Variants in SLAIN2 observed in about 807,000 individuals in gnomAD.
The protein encoded by SLAIN2 is SLAIN motif-containing protein 2.
In SLAIN2, 31 loss-of-function variants were observed where a neutral mutation model predicts 56.6. The ratio of observed to expected loss-of-function variants is 0.55; its 90% CI spans 0.41 to 0.74. The LOEUF (loss-of-function observed/expected upper bound fraction) is 0.74, where lower values mean the gene tolerates loss of function less well. Ranked by LOEUF, SLAIN2 falls within the 30% of genes least tolerant of loss-of-function variation. The pLI, the probability that SLAIN2 is intolerant of heterozygous loss-of-function variation, is 0.00. For missense variants in SLAIN2, 777 were observed against 754.2 expected (o/e 1.03, Z -0.35); for synonymous variants, 317 against 284.9 (o/e 1.11, Z -1.13).
chr4:48,404,812 G>C (rs932559611), intron 6 of SLAIN2, among the ~76,000 whole-genome samples: 2 of 152,132 alleles, frequency 1.3e-5, no homozygotes, highest in African/African-American at 4.8e-5. Context: ...AAGGTCACCT[G>C]TATCCAATCA....
intron 1 of SLAIN2, among the ~76,000 whole-genome samples, chr4:48,357,987 C>T (rs752580562): frequency 8.5e-5 from 13 of 152,228 alleles, no homozygotes; most frequent in Admixed American, 2.6e-4. Flanking sequence ...GTGTGAGCCA[C>T]CACGCCTGGC....
At chr4:48,416,677 C>G (rs1212207802) in intron 6 of SLAIN2, among the ~76,000 whole-genome samples, 1 of 151,738 alleles carries the variant, frequency 6.6e-6, no homozygotes, top group Non-Finnish European at 1.5e-5. Context: ...TGCAATCAAA[C>G]TAGAACTCAG....
At chr4:48,358,469 A>C (rs779736970) in intron 1 of SLAIN2, among the ~76,000 whole-genome samples, 10 of 151,570 alleles carry the variant, frequency 6.6e-5, no homozygotes, top group Non-Finnish European at 1.2e-4. Context: ...ACAGGCGTGC[A>C]CCACCATGCC....
intron 1 of SLAIN2, among the ~76,000 whole-genome samples, chr4:48,344,505 T>C (rs1714812120): frequency 6.6e-6 from 1 of 152,088 alleles, no homozygotes; most frequent in African/African-American, 2.4e-5. Flanking sequence ...ATGGAATAAA[T>C]GTGGGAAAAA....
chr4:48,359,717 T>C (rs1715265073), intron 1 of SLAIN2, among the ~76,000 whole-genome samples: 1 of 152,248 alleles, frequency 6.6e-6, no homozygotes, highest in African/African-American at 2.4e-5. Flanking sequence ...AATAGTTATA[T>C]TCTTAGTTGT....
At position 48,423,150 on chromosome 4, in the gene SLAIN2, A is replaced by G. The variant is rs1027078443; in HGVS notation, c.*1073A>G. 2.6e-5 allele frequency: 4 copies of G among 152,188 alleles called. No homozygotes were observed. The highest frequency in any genetic ancestry group is 2.6e-4 in the Admixed American group (4 of 15,270). The allele number at this position is 152,188 out of a possible 1,614,324, so 9.4% of individuals were successfully genotyped here. On this transcript the variant is annotated 3_prime_UTR_variant, in exon 8 of 8. Coordinates refer to ENST00000264313, the MANE Select transcript of SLAIN2 (RefSeq NM_020846.2). ...ATAACGGTCTATTATGTGGTAGGAA[A>G]ATATAGCCTGCTAAATCCTACTTAA...
rs1178082530 is a variant in SLAIN2 at position 48,424,584 on chromosome 4, A to G, written c.*2507A>G. The G allele has an allele frequency of 2.0e-5, 3 of 152,134 alleles. No individual in the cohort carries two copies. The highest frequency in any genetic ancestry group is 4.4e-5 in the Non-Finnish European group (3 of 67,990). The allele number at this position is 152,134 out of a possible 1,614,324, so 9.4% of individuals were successfully genotyped here. On this transcript the variant is annotated 3_prime_UTR_variant, in exon 8 of 8. Transcript: ENST00000264313. The stretch of plus-strand genomic sequence containing the variant: ...GTGTAAAGAATTGGAAAAAATATAA[A>G]TATTCTTAACTCAAGCATTTGCTGG...
At chr4:48,396,889 C>T (rs1716405707) in intron 6 of SLAIN2, among the ~76,000 whole-genome samples, 1 of 152,182 alleles carries the variant, frequency 6.6e-6, no homozygotes, top group Admixed American at 6.5e-5. Flanking sequence ...TGTTGCTTGG[C>T]ACAGTCACTC....
chr4:48,372,769 C>T (rs1715702885), intron 2 of SLAIN2, among the ~76,000 whole-genome samples: 1 of 152,046 alleles, frequency 6.6e-6, no homozygotes, highest in South Asian at 2.1e-4. Flanking sequence ...AGAACAATAG[C>T]TACAGCTATA....
rs1717279860 is a variant in SLAIN2 at position 48,425,647 on chromosome 4, CTAAAAACT to C, written c.*3572_*3579del. On this transcript the variant is annotated 3_prime_UTR_variant, in exon 8 of 8. Transcript: ENST00000264313. ...TTCTGTTTTTTTCTCTCAAGCCAGT[CTAAAAACT>C]TGAAGAGCCATTTAAAATTAAATGT... is the stretch of plus-strand genomic sequence containing the variant. 6.6e-6 allele frequency: 1 copy of C among 151,980 alleles called. No individual in the cohort carries two copies. Among genetic ancestry groups the C allele is most frequent in the Non-Finnish European group, 1.5e-5 (1 of 67,968 alleles). The allele number at this position is 151,980 out of a possible 1,614,324, so 9.4% of individuals were successfully genotyped here. A position where few individuals can be genotyped will look rare whatever the true frequency, so the allele number is the denominator to read the frequency against.
chr4:48,345,775 G>T (rs897509992), intron 1 of SLAIN2, among the ~76,000 whole-genome samples: 5 of 151,382 alleles, frequency 3.3e-5, no homozygotes, highest in African/African-American at 9.7e-5. Context: ...TGAGTTATTT[G>T]GTCATCTTTG....
chr4:48,394,655 T>TA, intron 6 of SLAIN2: 1 of 1,535,298 alleles, frequency 6.5e-7, no homozygotes, highest in East Asian at 2.4e-5. Flanking sequence ...CAAAAAGAGG[T>TA]AACTACAGCC....
At chr4:48,367,168 T>C (rs1358363536) in intron 1 of SLAIN2, among the ~76,000 whole-genome samples, 3 of 152,236 alleles carry the variant, frequency 2.0e-5, no homozygotes, top group African/African-American at 4.8e-5. Flanking sequence ...GCTCAGCTCA[T>C]GTGTCCTCTG....
Position 48,420,267 on chromosome 4 carries a change from T to C in SLAIN2, c.1503T>C (p.Pro501=). 8 of 1,613,942 alleles carry C rather than the reference T, an allele frequency of 5.0e-6. No homozygotes were observed. Among genetic ancestry groups the C allele is most frequent in the Non-Finnish European group, 5.9e-6 (7 of 1,179,866 alleles). ...ITQLTQTTSS[P]GPPMVQSTVS... Reference sequence around the variant, plus strand: ...AGCTCACACAAACCACCTCCTCACCTGGGCCTCCTATGGTTCAGAGCACAG... The same window carrying C: ...AGCTCACACAAACCACCTCCTCACCCGGGCCTCCTATGGTTCAGAGCACAG... Residue 501 remains proline, a synonymous_variant, in exon 7 of 8, where the codon CCT becomes CCC. Transcript: ENST00000264313.
rs1329596313 is a variant in SLAIN2, at chr4:48,382,564, C to T, written c.863-4C>T. ...TTTAAATAAATAACATTCATTGTTG[C>T]CAGGTCTCCGGCAAGAATATGCAGC... is the stretch of plus-strand genomic sequence containing the variant. On this transcript the variant is annotated splice_polypyrimidine_tract_variant and splice_region_variant and intron_variant, in intron 4 of 7. Transcript: ENST00000264313. 1 of 1,548,370 alleles carries T rather than the reference C, an allele frequency of 6.5e-7. No individual in the cohort carries two copies. The highest frequency in any genetic ancestry group is 1.3e-5 in the South Asian group (1 of 79,740).
chr4:48,411,595 T>A (rs1716849141), intron 6 of SLAIN2, among the ~76,000 whole-genome samples: 1 of 125,914 alleles, frequency 7.9e-6, no homozygotes, highest in Non-Finnish European at 1.8e-5. Context: ...ATTTGGATTA[T>A]CTTCTGAGTT....
At chr4:48,369,508 C>T (rs1426916673) in intron 1 of SLAIN2, among the ~76,000 whole-genome samples, 1 of 152,138 alleles carries the variant, frequency 6.6e-6, no homozygotes, top group Non-Finnish European at 1.5e-5. Flanking sequence ...CCTTCTTCTG[C>T]TTCCTAAGTA....
At chr4:48,364,868 G>A (rs1350114590) in intron 1 of SLAIN2, among the ~76,000 whole-genome samples, 15 of 139,984 alleles carry the variant, frequency 1.1e-4, no homozygotes, top group African/African-American at 2.9e-4. Context: ...AGACGGAGAC[G>A]GGAGAGGGAG....
intron 1 of SLAIN2, among the ~76,000 whole-genome samples, chr4:48,355,334 T>C (rs752469824): frequency 6.6e-6 from 1 of 152,230 alleles, no homozygotes; most frequent in Non-Finnish European, 1.5e-5. Context: ...CTTATTCCTG[T>C]TCTTGAGAAG....
Sources: gnomAD v4.1 joint callset for allele counts (sites outside exome capture counted in the v4.1 genomes callset) on GRCh38, gnomAD v4.1.1 for gene constraint, MANE v1.5 for transcripts, NCBI Gene and HGNC (gene_info 2026-07-23, HGNC 2026-07-21) for gene names.